Variants in VPS13C observed in about 807,000 individuals in gnomAD.
VPS13C encodes the protein intermembrane lipid transfer protein VPS13C.
VPS13C carries 358 observed loss-of-function variants against 456.8 expected under a neutral mutation model. The observed-to-expected ratio is 0.78, with a 90% CI of 0.72 to 0.86. The LOEUF (loss-of-function observed/expected upper bound fraction) is 0.86, where lower values mean the gene tolerates loss of function less well. VPS13C is among the 40% of genes least tolerant of loss of function. The probability of loss-of-function intolerance (pLI) is 0.00; values close to 1 mark genes in which losing one functional copy is unlikely to be tolerated. For synonymous variants in VPS13C, 1,578 were observed against 1,486.7 expected, an observed-to-expected ratio of 1.06 and a Z score of -1.41; for missense variants, 4,818 against 4,385.4, an observed-to-expected ratio of 1.10 and a Z score of -2.79.
chr15:61,929,088 C>T (rs1485404866), intron 51 of VPS13C, among the ~76,000 whole-genome samples: 9 of 152,148 alleles, frequency 5.9e-5, no homozygotes, highest in Non-Finnish European at 1.0e-4. Flanking sequence ...GGAGTTAAAG[C>T]GACATCCAGG....
chr15:62,006,750 A>T (rs34282385), intron 15 of VPS13C, among the ~76,000 whole-genome samples: 9,118 of 152,148 alleles, frequency 0.06, 329 homozygotes, highest in Non-Finnish European at 0.08. Flanking sequence ...ATTTCTCCAC[A>T]TCCTCTCCAG....
At chr15:62,040,201 C>T (rs922969332) in intron 3 of VPS13C, among the ~76,000 whole-genome samples, 1 of 151,912 alleles carries the variant, frequency 6.6e-6, no homozygotes, top group African/African-American at 2.4e-5. Flanking sequence ...CAATGGTTAC[C>T]AGAAGCTAGG....
At chr15:61,946,204 T>C (rs1162422720) in intron 44 of VPS13C, 103 bp downstream of exon 44, 1 of 902,082 alleles carries the variant, frequency 1.1e-6, no homozygotes, top group African/African-American at 1.7e-5. Context: ...ATAAAGTGCC[T>C]GGTACATGAC....
intron 22 of VPS13C, among the ~76,000 whole-genome samples, chr15:61,979,521 G>C (rs2045808971): frequency 6.6e-6 from 1 of 152,190 alleles, no homozygotes. Flanking sequence ...TATGGGAACA[G>C]TGCCCCAAAG....
Position 61,881,605 on chromosome 15 carries a change from ACACT to A in VPS13C, c.9730_9733del (p.Val3245SerfsTer25), listed in dbSNP as rs765954117. 4 of 1,612,698 alleles carry A rather than the reference ACACT, an allele frequency of 2.5e-6. No individual in the cohort carries two copies. Among genetic ancestry groups the A allele is most frequent in the East Asian group, 2.2e-5 (1 of 44,760 alleles). On this transcript the variant is annotated frameshift_variant, in exon 71 of 85. Transcript: ENST00000644861. LOFTEE classifies it high-confidence loss of function. Reference sequence around the variant, plus strand: ...ACTGTACTCATTAAATCTTGTGATGACACTCACATCAATGAAAGGCTTGGGCTCT... The same window carrying A: ...ACTGTACTCATTAAATCTTGTGATGACACATCAATGAAAGGCTTGGGCTCT...
chr15:61,990,797 C>A (rs1010914712), intron 18 of VPS13C, among the ~76,000 whole-genome samples: 1 of 151,858 alleles, frequency 6.6e-6, no homozygotes. Flanking sequence ...GGTGACAGAG[C>A]GAGACTCCAT....
intron 8 of VPS13C, among the ~76,000 whole-genome samples, chr15:62,021,173 A>T (rs1261958427): frequency 6.6e-6 from 1 of 151,890 alleles, no homozygotes; most frequent in African/African-American, 2.4e-5. Context: ...TGTAAATGAT[A>T]GGAAATTTAT....
intron 49 of VPS13C, among the ~76,000 whole-genome samples, chr15:61,931,571 A>C (rs1596347059): frequency 1.3e-5 from 2 of 151,608 alleles, no homozygotes; most frequent in African/African-American, 2.4e-5. Flanking sequence ...CTAACTAATA[A>C]ATTTTTTCTT....
Position 62,007,337 on chromosome 15 carries a change from C to A in VPS13C, c.1261G>T (p.Val421Phe), listed in dbSNP as rs778609348. 11 of 1,610,680 alleles carry A rather than the reference C, an allele frequency of 6.8e-6. No individual in the cohort carries two copies. In the East Asian group the frequency reaches 2.5e-4, roughly 36 times the overall value. ...ATTTCTTTCTGTATTTCTTCTGAGA[C>A]TTTAGACTGTGTTAACTTGTTTTTG... ...AYKNKLTQSKVSEEIQKEIQD... is the reference protein window; with the variant it reads ...AYKNKLTQSKFSEEIQKEIQD... Residue 421 changes from valine to phenylalanine, a missense_variant, in exon 15 of 85, where the codon GTC becomes TTC. Val to Phe is a conservative substitution (Grantham distance 50, BLOSUM62 -1). Transcript: ENST00000644861.
intron 73 of VPS13C, among the ~76,000 whole-genome samples, 181 bp from the exon 74 acceptor site, chr15:61,878,927 T>C (rs995209793): frequency 2.0e-5 from 3 of 152,068 alleles, no homozygotes; most frequent in Non-Finnish European, 2.9e-5. Flanking sequence ...TCTTTGCTTT[T>C]TGATAGAATA....
chr15:62,048,584 A>G (rs2140761995), intron 1 of VPS13C, among the ~76,000 whole-genome samples: 1 of 152,290 alleles, frequency 6.6e-6, no homozygotes, highest in South Asian at 2.1e-4. Flanking sequence ...GTGTCTTTAT[A>G]GCAGCATGAT....
At chr15:61,997,086 A>G (rs2046413565) in intron 16 of VPS13C, among the ~76,000 whole-genome samples, 2 of 151,946 alleles carry the variant, frequency 1.3e-5, no homozygotes, top group South Asian at 4.1e-4. Context: ...TTGGTGCCAA[A>G]AAATTACTTG....
chr15:61,929,845 T>C, intron 50 of VPS13C, 97 bp from the exon 51 acceptor site: 1 of 1,230,078 alleles, frequency 8.1e-7, no homozygotes, highest in East Asian at 2.5e-5. Context: ...ATTTCACCTT[T>C]CAGTTTCTAA....
intron 64 of VPS13C, 57 bp from the exon 65 acceptor site, chr15:61,909,182 A>G: frequency 6.3e-7 from 1 of 1,586,574 alleles, no homozygotes; most frequent in Admixed American, 1.8e-5. Context: ...ACACTTACAT[A>G]TGGAATTTCA....
chr15:61,894,072 G>A (rs1034040783), intron 66 of VPS13C, among the ~76,000 whole-genome samples: 10 of 152,200 alleles, frequency 6.6e-5, no homozygotes, highest in Admixed American at 2.0e-4. Flanking sequence ...TTGGGAGGCC[G>A]AGGTGGGCGG....
chr15:61,988,510 A>G (rs1291060688), intron 18 of VPS13C, among the ~76,000 whole-genome samples: 1 of 152,246 alleles, frequency 6.6e-6, no homozygotes, highest in Non-Finnish European at 1.5e-5. Flanking sequence ...TACTATAAAG[A>G]CATAAATTCT....
chr15:61,929,349 A>T, intron 51 of VPS13C, 152 bp downstream of exon 51: 11 of 1,160,992 alleles, frequency 9.5e-6, no homozygotes, highest in Non-Finnish European at 1.2e-5. Context: ...AAAATGTTTT[A>T]AAAAACTAAA....
At chr15:61,915,549 A>G in intron 61 of VPS13C, 84 bp downstream of exon 61, 2 of 1,381,158 alleles carry the variant, frequency 1.4e-6, no homozygotes, top group East Asian at 2.4e-5. Context: ...ATAGGTTAGC[A>G]TGGTTTTAGG....
chr15:61,990,153 T>A (rs917017241), intron 18 of VPS13C, among the ~76,000 whole-genome samples: 1 of 152,048 alleles, frequency 6.6e-6, no homozygotes, highest in Non-Finnish European at 1.5e-5. Flanking sequence ...AGGCCATTTA[T>A]AGAAAGATTA....
Sources: allele counts gnomAD v4.1 joint callset (sites outside exome capture counted in the v4.1 genomes callset), GRCh38; gene constraint gnomAD v4.1.1; transcripts MANE v1.5; gene names NCBI Gene and HGNC (gene_info 2026-07-23, HGNC 2026-07-21).